Variants in EVC observed in about 807,000 individuals in gnomAD.
EVC encodes the protein EvC ciliary complex subunit 1.
In EVC, 116 loss-of-function variants were observed where a neutral mutation model predicts 118.9. The ratio of observed to expected loss-of-function variants is 0.98; its 90% confidence interval spans 0.84 to 1.14. The LOEUF is 1.14. Among genes scored for constraint, EVC ranks in the 50% most tolerant of loss-of-function variants. The pLI, the probability that EVC is intolerant of heterozygous loss-of-function variation, is 0.00. For missense variants in EVC, 1,401 were observed against 1,246.4 expected (o/e 1.12, Z -1.87); for synonymous variants, 619 against 534.7 (o/e 1.16, Z -2.18).
chr4:5,776,389 A>C (rs1734724836), intron 11 of EVC, among the ~76,000 whole-genome samples: 1 of 152,124 alleles, frequency 6.6e-6, no homozygotes, highest in Admixed American at 6.5e-5. Context: ...TTATTCATTC[A>C]TTCACTCATT....
Position 5,783,619 on chromosome 4 carries a change from C to T in EVC, c.1631C>T (p.Pro544Leu). 1 of 1,614,196 alleles carries T rather than the reference C, an allele frequency of 6.2e-7. No homozygotes were observed. Among genetic ancestry groups the T allele is most frequent in the East Asian group, 2.2e-5 (1 of 44,876 alleles). Residue 544 changes from proline to leucine, a missense_variant, in exon 12 of 21, where the codon CCT (proline) becomes CTT (leucine). Physicochemically the swap from Pro to Leu is moderately conservative, Grantham distance 98 (BLOSUM62 -3). Coordinates refer to ENST00000264956, the MANE Select transcript of EVC (RefSeq NM_153717.3). Reference protein sequence around the residue: ...FVDALFLQTLPGMTGLPPEEC... With the variant: ...FVDALFLQTLLGMTGLPPEEC... ...GATGCCCTGTTCCTTCAGACGCTCC[C>T]TGGCATGACTGGCCTCCCCCCGGAA...
intron 5 of EVC, among the ~76,000 whole-genome samples, chr4:5,735,991 G>T (rs1230444661): frequency 3.3e-5 from 5 of 152,116 alleles, no homozygotes; most frequent in Admixed American, 3.3e-4. Flanking sequence ...ATGAGCTGGG[G>T]TTCAGAAGTT....
the EVC span, among the ~76,000 whole-genome samples, chr4:5,822,501 G>A: frequency 6.6e-6 from 1 of 151,954 alleles, no homozygotes; most frequent in Non-Finnish European, 1.5e-5. Flanking sequence ...GAAGGGGGGG[G>A]GGGTGGTGTG....
chr4:5,769,337 A>G (rs1215620394), intron 11 of EVC, among the ~76,000 whole-genome samples: 1 of 152,020 alleles, frequency 6.6e-6, no homozygotes, highest in Non-Finnish European at 1.5e-5. Flanking sequence ...TGACTCAGTT[A>G]CCTCCCACTG....
intron 12 of EVC, 74 bp from the exon 13 acceptor site, chr4:5,793,534 T>G: frequency 7.9e-7 from 1 of 1,272,744 alleles, no homozygotes; most frequent in Non-Finnish European, 1.1e-6. Flanking sequence ...AGAAACAAAA[T>G]GCACAATCCT....
In EVC at chr4:5,789,059, T is replaced by C. The variant is rs1712265687; in HGVS notation, c.1777-4549T>C. On this transcript the variant is annotated intron_variant, in intron 12 of 20. Transcript: ENST00000264956. The surrounding 1 kb of genome is among the most constrained non-coding windows in gnomAD (Gnocchi z 4.3). ...ATACATATTTAAAAATATTTTAACA[T>C]CCCTGAAATCAAGATACACTTTAAT... Among the ~76,000 whole-genome samples, 1 of 152,182 alleles carries C rather than the reference T, an allele frequency of 6.6e-6. No individual in the cohort carries two copies. The highest frequency in any genetic ancestry group is 2.1e-4 in the South Asian group (1 of 4,830).
intron 2 of EVC, among the ~76,000 whole-genome samples, chr4:5,727,302 G>T (rs1240722419): frequency 1.2e-4 from 18 of 152,090 alleles, no homozygotes; most frequent in Non-Finnish European, 2.2e-4. Context: ...TGGTTTTGAT[G>T]TGCATTTCTC....
chr4:5,819,366 C>G, the EVC span, among the ~76,000 whole-genome samples: 1 of 152,190 alleles, frequency 6.6e-6, no homozygotes, highest in Non-Finnish European at 1.5e-5. Flanking sequence ...GAAACTCTCT[C>G]TCCCTCCTCC....
chr4:5,741,830 A>G lies in EVC; in HGVS notation c.801+16A>G, dbSNP rs774227453. On this transcript the variant is annotated intron_variant, in intron 6 of 20. Coordinates refer to ENST00000264956, the MANE Select transcript of EVC (RefSeq NM_153717.3). ...ACAAGAAAAAGTAAGTCTTCAACCT[A>G]TGTTTCAAGGTAACTTAAAAATAGT... 7 of 1,343,258 alleles carry G rather than the reference A, an allele frequency of 5.2e-6. No individual in the cohort carries two copies. In the Admixed American group the frequency reaches 6.8e-5, roughly 13 times the overall value. The allele number at this position is 1,343,258 out of a possible 1,614,324, so 83.2% of individuals were successfully genotyped here.
intron 11 of EVC, among the ~76,000 whole-genome samples, chr4:5,771,940 C>G (rs920718122): frequency 1.3e-5 from 2 of 151,838 alleles, no homozygotes; most frequent in Non-Finnish European, 2.9e-5. Flanking sequence ...CTCTGTCGCC[C>G]AGGCTGGAGT....
rs1560450504 is a variant in EVC, at chr4:5,810,975, G to A, written c.2917G>A (p.Glu973Lys). 1 of 1,613,054 alleles carries A rather than the reference G, an allele frequency of 6.2e-7. No homozygotes were observed. The highest frequency in any genetic ancestry group is 1.7e-5 in the Admixed American group (1 of 59,998). Residue 973 changes from glutamate (E) to lysine (K), a missense_variant, in exon 21 of 21, where the codon GAA (glutamate) becomes AAA (lysine). Physicochemically the swap from Glu to Lys is moderately conservative, Grantham distance 56. Transcript: ENST00000264956. ...SLSSKRLSQQ[E>K]SEAGDSGNSK... ...AAGCAGCAAAAGGCTGAGTCAGCAA[G>A]AAAGTGAAGCTGGGGACAGTGGGAA... is the stretch of plus-strand genomic sequence containing the variant.
rs1728808413 is a variant in EVC, at chr4:5,742,789, G to C, written c.801+975G>C. ...CACCACCACCAATGTTGCAGGGCAG[G>C]CAAGCTCCAGAATAGGGTTTAGCCT... On this transcript the variant is annotated intron_variant, in intron 6 of 20. Coordinates refer to ENST00000264956, the MANE Select transcript of EVC (RefSeq NM_153717.3). The surrounding 1 kb of genome is among the most constrained non-coding windows in gnomAD (Gnocchi z 5.2). Among the ~76,000 whole-genome samples, 1 of 152,146 alleles carries C rather than the reference G, an allele frequency of 6.6e-6. No homozygotes were observed. The highest frequency in any genetic ancestry group is 2.1e-4 in the South Asian group (1 of 4,822).
intron 13 of EVC, among the ~76,000 whole-genome samples, chr4:5,795,029 T>A (rs1560421480): frequency 1.3e-5 from 2 of 152,208 alleles, no homozygotes; most frequent in Non-Finnish European, 2.9e-5. Flanking sequence ...GATAATGGCT[T>A]CCAGCTGCAT....
At position 5,809,681 on chromosome 4, in the gene EVC, C is replaced by G. The variant is rs548061162; in HGVS notation, c.2782+70C>G. ...GAGAGATACGGATTCTAGTTCCACA[C>G]TGGCCACTAACTAGCTGTGTGACCT... On this transcript the variant is annotated intron_variant, in intron 19 of 20. Transcript: ENST00000264956. The G allele has an allele frequency of 1.6e-5, 21 of 1,352,450 alleles. No homozygotes were observed. The African/African-American group carries it at 1.7e-4, about 11-fold the overall frequency. 83.8% of individuals were successfully genotyped at this position (1,352,450 alleles called of 1,614,324 possible). A position where few individuals can be genotyped will look rare whatever the true frequency, so the allele number is the denominator to read the frequency against.
At chr4:5,804,580 C>T (rs568642079) in intron 16 of EVC, 150 bp from the exon 17 acceptor site, 21 of 708,634 alleles carry the variant, frequency 3.0e-5, no homozygotes, top group Admixed American at 1.0e-4. Context: ...GTTGTTTGTG[C>T]ACACAATGCC....
At chr4:5,722,531 G>T (rs1393728704) in intron 2 of EVC, among the ~76,000 whole-genome samples, 2 of 152,056 alleles carry the variant, frequency 1.3e-5, no homozygotes, top group Non-Finnish European at 2.9e-5. Context: ...AGGGCCTTGT[G>T]GTTCCTGCCA....
intron 12 of EVC, among the ~76,000 whole-genome samples, chr4:5,787,863 A>C (rs1250792124): frequency 6.6e-6 from 1 of 152,070 alleles, no homozygotes; most frequent in Admixed American, 6.5e-5. Context: ...TCATCATTTC[A>C]TCACCAAGTC....
intron 12 of EVC, among the ~76,000 whole-genome samples, chr4:5,785,609 C>A (rs1349824635): frequency 6.6e-6 from 1 of 152,206 alleles, no homozygotes; most frequent in East Asian, 1.9e-4. Flanking sequence ...CTGTCAGTGG[C>A]ATCCGGTTGC....
chr4:5,817,738 G>C (rs1717927955), downstream of EVC, among the ~76,000 whole-genome samples: 1 of 152,182 alleles, frequency 6.6e-6, no homozygotes, highest in Non-Finnish European at 1.5e-5. Flanking sequence ...ACTTACGTCA[G>C]AAGAGTAGCT....
Sources: allele counts gnomAD v4.1 joint callset (sites outside exome capture counted in the v4.1 genomes callset), GRCh38; gene constraint gnomAD v4.1.1; non-coding constraint Gnocchi (gnomAD v3.1); transcripts MANE v1.5; gene names NCBI Gene and HGNC (gene_info 2026-07-23, HGNC 2026-07-21).